The following CENPW variants were observed in gnomAD, a reference collection of about 807,000 sequenced individuals.
CENPW encodes cancer-up-regulated gene 2 protein.
Under a neutral mutation model 11.1 loss-of-function variants are expected in CENPW, and 3 were observed. That is an observed-to-expected ratio of 0.27 (90% CI 0.12 to 0.70). CENPW has a LOEUF of 0.70. Among genes scored for constraint, CENPW ranks in the 30% least tolerant of loss-of-function variants. The pLI, the probability that CENPW is intolerant of heterozygous loss-of-function variation, is 0.77. For synonymous variants in CENPW, 38 were observed against 42.0 expected, an observed-to-expected ratio of 0.91 and a Z score of 0.37; for missense variants, 100 against 105.6, an observed-to-expected ratio of 0.95 and a Z score of 0.23.
chr6:126,417,139 A>G, the CENPW span, among the ~76,000 whole-genome samples: 1 of 152,216 alleles, frequency 6.6e-6, no homozygotes, highest in Admixed American at 6.5e-5. Context: ...GAGTCATGAA[A>G]TCAAAGGAGA....
the CENPW span, among the ~76,000 whole-genome samples, chr6:126,367,649 G>T: frequency 6.6e-6 from 1 of 152,148 alleles, no homozygotes; most frequent in Non-Finnish European, 1.5e-5. Flanking sequence ...AAACACTAGA[G>T]ATTTAGAATC....
chr6:126,363,514 C>T, the CENPW span, among the ~76,000 whole-genome samples: 3 of 152,164 alleles, frequency 2.0e-5, no homozygotes, highest in Non-Finnish European at 4.4e-5. Flanking sequence ...CATTTGAGTT[C>T]GTAATCCATT....
chr6:126,393,856 T>A, the CENPW span, among the ~76,000 whole-genome samples: 1 of 151,478 alleles, frequency 6.6e-6, no homozygotes, highest in Non-Finnish European at 1.5e-5. Flanking sequence ...CCTATTGCTA[T>A]ATTGACTCCT....
At chr6:126,367,224 G>A in the CENPW span, among the ~76,000 whole-genome samples, 3 of 151,952 alleles carry the variant, frequency 2.0e-5, no homozygotes. Flanking sequence ...AGTAGTGCAA[G>A]TGGTTTTTGG....
chr6:126,389,240 C>T, the CENPW span, among the ~76,000 whole-genome samples: 2 of 151,954 alleles, frequency 1.3e-5, no homozygotes, highest in African/African-American at 2.4e-5. Context: ...TGCCATGACA[C>T]AGATGTGGGA....
chr6:126,445,146 G>A, the CENPW span, among the ~76,000 whole-genome samples: 8 of 151,022 alleles, frequency 5.3e-5, no homozygotes, highest in African/African-American at 1.7e-4. Flanking sequence ...CACTAGAGAG[G>A]ACACTTTATT....
chr6:126,365,405 A>G, the CENPW span, among the ~76,000 whole-genome samples: 1 of 152,200 alleles, frequency 6.6e-6, no homozygotes, highest in Non-Finnish European at 1.5e-5. Context: ...CAGGAAACTT[A>G]CAATCATGGC....
chr6:126,371,770 C>T, the CENPW span, among the ~76,000 whole-genome samples: 1 of 152,034 alleles, frequency 6.6e-6, no homozygotes, highest in Non-Finnish European at 1.5e-5. Flanking sequence ...TGTTATTGGT[C>T]CGTTCAGCGT....
At chr6:126,365,860 T>C in the CENPW span, among the ~76,000 whole-genome samples, 1 of 152,330 alleles carries the variant, frequency 6.6e-6, no homozygotes, top group African/African-American at 2.4e-5. Context: ...TTTGTGACAG[T>C]GCATTTTCTC....
At chr6:126,426,712 A>G in the CENPW span, among the ~76,000 whole-genome samples, 1 of 152,130 alleles carries the variant, frequency 6.6e-6, no homozygotes, top group African/African-American at 2.4e-5. Flanking sequence ...AACAATATAC[A>G]AAAATTTAAT....
At chr6:126,454,469 C>T in the CENPW span, among the ~76,000 whole-genome samples, 2 of 151,356 alleles carry the variant, frequency 1.3e-5, no homozygotes, top group African/African-American at 4.8e-5. Context: ...TTCTGAATGA[C>T]TTTTGAGTAA....
chr6:126,384,432 T>C, the CENPW span, among the ~76,000 whole-genome samples: 167 of 152,158 alleles, frequency 1.1e-3, no homozygotes, highest in African/African-American at 3.6e-3. Flanking sequence ...AACAGACATA[T>C]AGACCAGTGG....
the CENPW span, among the ~76,000 whole-genome samples, chr6:126,471,688 A>C: frequency 1.4e-4 from 22 of 152,336 alleles, no homozygotes; most frequent in African/African-American, 5.1e-4. Context: ...GTTGGTAGAA[A>C]AAACCAGATA....
At chr6:126,371,339 A>ATATAATAATATGGTTTTTGT in the CENPW span, among the ~76,000 whole-genome samples, 1 of 152,040 alleles carries the variant, frequency 6.6e-6, no homozygotes, top group East Asian at 1.9e-4. Context: ...GCGTCTATTG[A>ATATAATAATATGGTTTTTGT]TATAATAATA....
At chr6:126,443,865 A>G in the CENPW span, among the ~76,000 whole-genome samples, 2 of 151,184 alleles carry the variant, frequency 1.3e-5, no homozygotes, top group African/African-American at 4.8e-5. Context: ...GAAGAGCTCT[A>G]TGGGGCAATA....
At chr6:126,468,570 ATT>A in the CENPW span, among the ~76,000 whole-genome samples, 1 of 151,978 alleles carries the variant, frequency 6.6e-6, no homozygotes, top group Admixed American at 6.6e-5. Flanking sequence ...ATAATGTATC[ATT>A]GTTAGTTTAT....
At chr6:126,420,883 C>CT in the CENPW span, among the ~76,000 whole-genome samples, 13 of 151,288 alleles carry the variant, frequency 8.6e-5, no homozygotes, top group Admixed American at 2.0e-4. Context: ...TCAGCTTGCT[C>CT]TTTTTTTTTA....
the CENPW span, among the ~76,000 whole-genome samples, chr6:126,373,183 C>T: frequency 6.6e-6 from 1 of 151,948 alleles, no homozygotes; most frequent in Admixed American, 6.6e-5. Flanking sequence ...CTTCCAGTAA[C>T]CTAAAGAAAT....
At chr6:126,341,755 G>C (rs1302826910) in intron 1 of CENPW, among the ~76,000 whole-genome samples, 2 of 152,126 alleles carry the variant, frequency 1.3e-5, no homozygotes, top group Non-Finnish European at 2.9e-5. Flanking sequence ...CTAAATGGAG[G>C]GAGAGGAAAT....
Sources: allele counts gnomAD v4.1 joint callset (sites outside exome capture counted in the v4.1 genomes callset), GRCh38; gene constraint gnomAD v4.1.1; transcripts MANE v1.5; gene names NCBI Gene and HGNC (gene_info 2026-07-23, HGNC 2026-07-21).